The following CENPW variants were observed in gnomAD, a reference collection of about 807,000 sequenced individuals.
CENPW encodes the protein cancer-up-regulated gene 2 protein.
Under a neutral mutation model 11.1 loss-of-function variants are expected in CENPW, and 3 were observed. The observed-to-expected ratio is 0.27, with a 90% CI of 0.12 to 0.70. The LOEUF is 0.70. Ranked by LOEUF, CENPW falls within the 30% of genes least tolerant of loss-of-function variation. The probability of loss-of-function intolerance (pLI) is 0.77; values close to 1 mark genes in which losing one functional copy is unlikely to be tolerated. For missense variants in CENPW, 100 were observed against 105.6 expected (o/e 0.95, Z 0.23); for synonymous variants, 38 against 42.0 (o/e 0.91, Z 0.37).
chr6:126,398,687 G>T, the CENPW span, among the ~76,000 whole-genome samples: 36 of 151,952 alleles, frequency 2.4e-4, no homozygotes, highest in African/African-American at 8.7e-4. Flanking sequence ...TTAGGTTCAG[G>T]GGATACATGT....
At chr6:126,370,785 C>T in the CENPW span, among the ~76,000 whole-genome samples, 1 of 150,482 alleles carries the variant, frequency 6.6e-6, no homozygotes, top group African/African-American at 2.5e-5. Context: ...TGGAGTCTTG[C>T]TCTGTCACCC....
the CENPW span, among the ~76,000 whole-genome samples, chr6:126,399,067 G>A: frequency 1.6e-3 from 240 of 151,968 alleles, 4 homozygotes; most frequent in East Asian, 0.023. Flanking sequence ...GCTGTTGGGC[G>A]TCTAGGTTGA....
the CENPW span, among the ~76,000 whole-genome samples, chr6:126,441,972 G>A: frequency 2.6e-5 from 4 of 151,562 alleles, no homozygotes; most frequent in African/African-American, 7.3e-5. Flanking sequence ...ATACCCAGTA[G>A]TGGGACTGCT....
chr6:126,444,874 G>T, the CENPW span, among the ~76,000 whole-genome samples: 621 of 151,264 alleles, frequency 4.1e-3, 23 homozygotes, highest in East Asian at 0.091. Flanking sequence ...AGCCTGCCCA[G>T]TTTTGTGGCT....
At chr6:126,470,574 A>G in the CENPW span, among the ~76,000 whole-genome samples, 1 of 152,226 alleles carries the variant, frequency 6.6e-6, no homozygotes, top group African/African-American at 2.4e-5. Flanking sequence ...CTGTGAGAAG[A>G]GAGCCACCAT....
the CENPW span, among the ~76,000 whole-genome samples, chr6:126,431,711 A>G: frequency 3.3e-5 from 5 of 152,090 alleles, no homozygotes; most frequent in Admixed American, 3.3e-4. Flanking sequence ...TAAATATGCA[A>G]CCCACGTTGT....
At chr6:126,440,334 A>G in the CENPW span, among the ~76,000 whole-genome samples, 1 of 151,658 alleles carries the variant, frequency 6.6e-6, no homozygotes, top group Non-Finnish European at 1.5e-5. Context: ...AAAAGACAGT[A>G]TACCTTCCAT....
At chr6:126,394,568 A>G in the CENPW span, among the ~76,000 whole-genome samples, 2 of 152,086 alleles carry the variant, frequency 1.3e-5, no homozygotes, top group Admixed American at 6.6e-5. Context: ...TTTACACACC[A>G]CAATTACAGT....
chr6:126,422,521 A>G, the CENPW span, among the ~76,000 whole-genome samples: 1 of 151,946 alleles, frequency 6.6e-6, no homozygotes, highest in Non-Finnish European at 1.5e-5. Context: ...TGTTATAAGG[A>G]CCCAAACTTA....
the CENPW span, among the ~76,000 whole-genome samples, chr6:126,385,269 G>A: frequency 6.6e-6 from 1 of 152,094 alleles, no homozygotes; most frequent in Non-Finnish European, 1.5e-5. Context: ...TATACCCAAA[G>A]AAATATAAAT....
the CENPW span, among the ~76,000 whole-genome samples, chr6:126,386,875 G>T: frequency 6.0e-4 from 91 of 152,000 alleles, no homozygotes; most frequent in East Asian, 0.014. Flanking sequence ...GAGTGCCAAG[G>T]TAGGAAGAAA....
At chr6:126,447,422 A>C in the CENPW span, among the ~76,000 whole-genome samples, 20 of 151,358 alleles carry the variant, frequency 1.3e-4, no homozygotes, top group Middle Eastern at 3.4e-3. Context: ...AAAATTATGA[A>C]AATGACAGGT....
the CENPW span, among the ~76,000 whole-genome samples, chr6:126,449,494 C>G: frequency 3.3e-5 from 5 of 151,116 alleles, no homozygotes; most frequent in African/African-American, 9.7e-5. Flanking sequence ...TAGTGTATTG[C>G]TAACCAAACT....
chr6:126,348,206 T>G (rs1294810468), intron 2 of CENPW, among the ~76,000 whole-genome samples: 1 of 151,970 alleles, frequency 6.6e-6, no homozygotes, highest in Non-Finnish European at 1.5e-5. Flanking sequence ...AATTAACATC[T>G]AGAGGTAACT....
At chr6:126,390,015 G>A in the CENPW span, among the ~76,000 whole-genome samples, 1 of 151,978 alleles carries the variant, frequency 6.6e-6, no homozygotes, top group Middle Eastern at 3.4e-3. Flanking sequence ...TCTCACAGAG[G>A]TGATTCATTT....
the CENPW span, among the ~76,000 whole-genome samples, chr6:126,369,375 G>C: frequency 1.3e-5 from 2 of 152,288 alleles, no homozygotes; most frequent in East Asian, 1.9e-4. Flanking sequence ...CATAGTGGTT[G>C]TACTAATTTA....
the CENPW span, among the ~76,000 whole-genome samples, chr6:126,419,292 C>T: frequency 6.6e-6 from 1 of 152,062 alleles, no homozygotes; most frequent in Admixed American, 6.6e-5. Context: ...TTTATCTCTA[C>T]CAAACGTTTC....
At chr6:126,388,378 C>A in the CENPW span, among the ~76,000 whole-genome samples, 1 of 151,962 alleles carries the variant, frequency 6.6e-6, no homozygotes, top group Non-Finnish European at 1.5e-5. Context: ...TAGCACCGGC[C>A]TGAGTCCCTC....
the CENPW span, among the ~76,000 whole-genome samples, chr6:126,443,187 A>C: frequency 6.6e-6 from 1 of 151,320 alleles, no homozygotes; most frequent in Non-Finnish European, 1.5e-5. Context: ...AGTTTTTTCA[A>C]ATCAGAATTC....
Sources: allele counts gnomAD v4.1 joint callset (sites outside exome capture counted in the v4.1 genomes callset), GRCh38; gene constraint gnomAD v4.1.1; transcripts MANE v1.5; gene names NCBI Gene and HGNC (gene_info 2026-07-23, HGNC 2026-07-21).